Variants in VIPR1 observed in about 807,000 individuals in gnomAD.
VIPR1 encodes the protein vasoactive intestinal polypeptide receptor 1.
VIPR1 carries 59 observed loss-of-function variants against 58.8 expected under a neutral mutation model. The ratio of observed to expected loss-of-function variants is 1.00; its 90% CI spans 0.81 to 1.25. VIPR1 has a LOEUF of 1.25. Among genes scored for constraint, VIPR1 ranks in the 50% most tolerant of loss-of-function variants. The pLI is 0.00. For synonymous variants in VIPR1, 251 were observed against 242.1 expected, an observed-to-expected ratio of 1.04 and a Z score of -0.34; for missense variants, 626 against 602.7, an observed-to-expected ratio of 1.04 and a Z score of -0.40.
intron 4 of VIPR1, 79 bp downstream of exon 4, chr3:42,526,072 G>T: frequency 7.3e-7 from 1 of 1,361,414 alleles, no homozygotes; most frequent in Non-Finnish European, 1.0e-6. Flanking sequence ...CCACCGAGGG[G>T]TGTGGTTGCT....
At chr3:42,517,955 G>T (rs1002960690) in intron 2 of VIPR1, among the ~76,000 whole-genome samples, 1 of 152,034 alleles carries the variant, frequency 6.6e-6, no homozygotes, top group Non-Finnish European at 1.5e-5. Context: ...CAGCCTGGGC[G>T]ACAGAGCAAG....
intron 7 of VIPR1, chr3:42,531,156 T>C (rs747030146): frequency 3.2e-6 from 2 of 634,660 alleles, no homozygotes; most frequent in South Asian, 2.0e-5. Context: ...GTGGGACAGA[T>C]TTTGTGAACA....
chr3:42,521,829 C>A (rs949274859), intron 3 of VIPR1, among the ~76,000 whole-genome samples: 6 of 151,568 alleles, frequency 4.0e-5, no homozygotes, highest in African/African-American at 1.5e-4. Flanking sequence ...CTCACTGCAA[C>A]CTCCGTCTCC....
At chr3:42,533,375 C>A (rs1406597022) in intron 10 of VIPR1, 6 of 130,062 alleles carry the variant, frequency 4.6e-5, no homozygotes, top group Admixed American at 3.6e-4. Flanking sequence ...TTCTCTCCTG[C>A]CAGGTGTGTA....
intron 2 of VIPR1, chr3:42,516,762 G>A (rs1485224483): frequency 6.6e-6 from 1 of 152,238 alleles, no homozygotes; most frequent in Admixed American, 6.5e-5. Context: ...AGAGGAGTGG[G>A]AATAGACTGT....
chr3:42,534,274 G>C (rs1415902370), intron 10 of VIPR1: 1 of 152,202 alleles, frequency 6.6e-6, no homozygotes, highest in Non-Finnish European at 1.5e-5. Context: ...CTGGTGATCA[G>C]GTATGAACTT....
intron 3 of VIPR1, among the ~76,000 whole-genome samples, chr3:42,523,083 G>GTC (rs1701037985): frequency 8.0e-6 from 1 of 125,160 alleles, no homozygotes; most frequent in African/African-American, 3.9e-5. Flanking sequence ...TGCATGCCCT[G>GTC]ACCCCGCCCC....
At chr3:42,532,099 C>A in intron 9 of VIPR1, 143 bp from the exon 10 acceptor site, 1 of 967,994 alleles carries the variant, frequency 1.0e-6, no homozygotes, top group Non-Finnish European at 1.6e-6. Flanking sequence ...GGATGACCTG[C>A]CCAAAGGGGA....
chr3:42,498,590 C>T (rs1699810384), upstream of VIPR1, among the ~76,000 whole-genome samples: 1 of 152,180 alleles, frequency 6.6e-6, no homozygotes, highest in East Asian at 1.9e-4. Context: ...CAGGAATAGC[C>T]ATTTCAGAAC....
intron 1 of VIPR1, among the ~76,000 whole-genome samples, chr3:42,510,203 C>G (rs1028800229): frequency 6.6e-6 from 1 of 152,212 alleles, no homozygotes; most frequent in Admixed American, 6.5e-5. Flanking sequence ...CCTGTGCACA[C>G]GCTGCTCTAC....
upstream of VIPR1, among the ~76,000 whole-genome samples, chr3:42,499,765 T>C (rs1699832525): frequency 6.6e-6 from 1 of 152,088 alleles, no homozygotes. Flanking sequence ...CGGCCCCCCC[T>C]CTGCTTCTGA....
At chr3:42,534,898 C>A in intron 10 of VIPR1, 77 bp from the exon 11 acceptor site, 1 of 1,558,232 alleles carries the variant, frequency 6.4e-7, no homozygotes, top group Non-Finnish European at 8.7e-7. Flanking sequence ...GTGCCTCCAG[C>A]TGCCCCCATG....
chr3:42,521,705 C>G (rs1700923426), intron 3 of VIPR1: 1 of 152,156 alleles, frequency 6.6e-6, no homozygotes, highest in African/African-American at 2.4e-5. Context: ...AGGAATTGCT[C>G]ATTAAGACAT....
chr3:42,528,441 A>C, intron 6 of VIPR1: 19 of 304,050 alleles, frequency 6.2e-5, no homozygotes, highest in Non-Finnish European at 7.5e-5. Flanking sequence ...CTAACTTCCT[A>C]TGTGGCCTTG....
chr3:42,508,629 T>G (rs1700229556), intron 1 of VIPR1, among the ~76,000 whole-genome samples: 3 of 152,158 alleles, frequency 2.0e-5, no homozygotes, highest in Admixed American at 2.0e-4. Context: ...CTTATTTTGA[T>G]TTCCTTTAGT....
chr3:42,515,468 C>T (rs1443949852), intron 2 of VIPR1, among the ~76,000 whole-genome samples: 1 of 152,244 alleles, frequency 6.6e-6, no homozygotes, highest in Non-Finnish European at 1.5e-5. Flanking sequence ...GCGGTGGGAT[C>T]ATAGGCAGCC....
Position 42,536,358 on chromosome 3 carries a change from C to T in VIPR1, c.*77C>T, listed in dbSNP as rs1056523929. The T allele has an allele frequency of 1.4e-6, 2 of 1,417,696 alleles. No homozygotes were observed. Among genetic ancestry groups the T allele is most frequent in the Admixed American group, 2.9e-5 (1 of 34,676 alleles). 87.8% of individuals were successfully genotyped at this position (1,417,696 alleles called of 1,614,324 possible). A position where few individuals can be genotyped will look rare whatever the true frequency, so the allele number is the denominator to read the frequency against. On this transcript the variant is annotated 3_prime_UTR_variant, in exon 13 of 13. Transcript: ENST00000325123. ...CCCCGGCAGACGCCGGGGACAGAGG[C>T]CTGCCCGGGCGCGGCCAGCCCCGGC...
Position 42,536,396 on chromosome 3 carries a change from G to A in VIPR1, c.*115G>A. The A allele has an allele frequency of 2.6e-6, 3 of 1,143,014 alleles. No homozygotes were observed. Among genetic ancestry groups the A allele is most frequent in the Non-Finnish European group, 3.6e-6 (3 of 844,068 alleles). 70.8% of individuals were successfully genotyped at this position (1,143,014 alleles called of 1,614,324 possible). On this transcript the variant is annotated 3_prime_UTR_variant, in exon 13 of 13. Coordinates refer to ENST00000325123, the MANE Select transcript of VIPR1 (RefSeq NM_004624.4). ...GGCCAGCCCCGGCCCTGGGCTCGGA[G>A]GCTGCCCCCGGCCCCCTGGTCTCTG... is the stretch of plus-strand genomic sequence containing the variant.
chr3:42,514,959 G>A (rs1271501254), intron 2 of VIPR1, among the ~76,000 whole-genome samples: 2 of 152,216 alleles, frequency 1.3e-5, no homozygotes, highest in Non-Finnish European at 2.9e-5. Flanking sequence ...AGGCACTGAG[G>A]CAGACTTCCC....
Sources: allele counts gnomAD v4.1 joint callset (sites outside exome capture counted in the v4.1 genomes callset), GRCh38; gene constraint gnomAD v4.1.1; transcripts MANE v1.5; gene names NCBI Gene and HGNC (gene_info 2026-07-23, HGNC 2026-07-21).